The following NLRP9 variants were observed in gnomAD, a reference collection of about 807,000 sequenced individuals.
The protein encoded by NLRP9 is NLR family pyrin domain containing 9, also known as NACHT, LRR and PYD domains-containing protein 9.
In NLRP9, 88 loss-of-function variants were observed where a neutral mutation model predicts 83.1. That is an observed-to-expected ratio of 1.06 (90% CI 0.89 to 1.26). The LOEUF (loss-of-function observed/expected upper bound fraction) is 1.26, where lower values mean the gene tolerates loss of function less well. Among genes scored for constraint, NLRP9 ranks in the 50% most tolerant of loss-of-function variants. The pLI is 0.00. For synonymous variants in NLRP9, 521 were observed against 447.6 expected, an observed-to-expected ratio of 1.16 and a Z score of -2.07; for missense variants, 1,308 against 1,179.3, an observed-to-expected ratio of 1.11 and a Z score of -1.60.
rs1398629240 is a variant in NLRP9, at chr19:55,723,964, A to G, written c.2159+16T>C. 1 of 1,598,756 alleles carries G rather than the reference A, an allele frequency of 6.3e-7. No homozygotes were observed. The highest frequency in any genetic ancestry group is 1.3e-5 in the African/African-American group (1 of 74,118). On this transcript the variant is annotated intron_variant, in intron 4 of 8. Coordinates refer to ENST00000332836, the MANE Select transcript of NLRP9 (RefSeq NM_176820.4). Reference sequence around the variant, plus strand: ...TTGGAAAGAAACAGCACTCGGCATGAACAGCCCGGACTTACATCAGCTCTT... The same window carrying G: ...TTGGAAAGAAACAGCACTCGGCATGGACAGCCCGGACTTACATCAGCTCTT...
At chr19:55,717,932 G>C (rs1988083155) in intron 4 of NLRP9, among the ~76,000 whole-genome samples, 1 of 152,222 alleles carries the variant, frequency 6.6e-6, no homozygotes, top group Non-Finnish European at 1.5e-5. Context: ...TGAGAGATCA[G>C]ATTGTTACTG....
chr19:55,724,134 CAG>C lies in NLRP9; in HGVS notation c.2003_2004del (p.Ser668CysfsTer6), dbSNP rs1568599557. 1 of 1,605,476 alleles carries C rather than the reference CAG, an allele frequency of 6.2e-7. No individual in the cohort carries two copies. Among genetic ancestry groups the C allele is most frequent in the Non-Finnish European group, 8.5e-7 (1 of 1,175,816 alleles). ...VCKLRKLIFTSVYFGHDSELF... is the reference protein window; with the variant it reads ...VCKLRKLIFTXVYFGHDSELF... ...AATTCTGAATCATGTCCAAAGTACA[CAG>C]AAGTAAATCTGCAAAAGATTAAAAA... On this transcript the variant is annotated frameshift_variant, in exon 4 of 9. Coordinates refer to ENST00000332836, the MANE Select transcript of NLRP9 (RefSeq NM_176820.4). LOFTEE classifies it high-confidence loss of function.
chr19:55,722,449 T>G (rs569118680), intron 4 of NLRP9, among the ~76,000 whole-genome samples: 6 of 152,216 alleles, frequency 3.9e-5, no homozygotes, highest in Non-Finnish European at 7.3e-5. Context: ...ACAACCCTTA[T>G]GCATAGAACC....
In NLRP9 at chr19:55,711,834, A is replaced by G. The variant is rs149437621; in HGVS notation, c.2809T>C (p.Leu937=). ...ADAVVVLCEA[L]SHPDCALQML... ...TGCAGGGCACAGTCCGGGTGGCTCA[A>G]TGCCTCACACAGCACCACCACTGCA... is the stretch of plus-strand genomic sequence containing the variant. The change falls in exon 8 of 9, where the codon TTG becomes CTG. Residue 937 remains leucine, a synonymous_variant. Transcript: ENST00000332836. 207 of 1,613,290 alleles carry G rather than the reference A, an allele frequency of 1.3e-4. No homozygotes were observed. The African/African-American group carries it at 1.9e-3, about 15-fold the overall frequency.
chr19:55,722,064 G>A (rs1338785271), intron 4 of NLRP9, among the ~76,000 whole-genome samples: 1 of 150,820 alleles, frequency 6.6e-6, no homozygotes, highest in Non-Finnish European at 1.5e-5. Context: ...CATTGAAAAT[G>A]TCTCTAAACA....
chr19:55,733,337 A>G lies in NLRP9; in HGVS notation c.494T>C (p.Val165Ala). ...GTTTCCCTCTGCCCAGTCCAACATC[A>G]CTTTTCTTAAAAGGGTTGTTTTTCC... ...GIGKTTLLRK[V>A]MLDWAEGNLW... Residue 165 changes from valine (V) to alanine (A), a missense_variant, in exon 2 of 9, where the codon GTG becomes GCG. Physicochemically the swap from Val to Ala is moderately conservative, Grantham distance 64. Coordinates refer to ENST00000332836, the MANE Select transcript of NLRP9 (RefSeq NM_176820.4). The G allele has an allele frequency of 6.2e-7, 1 of 1,613,872 alleles. No individual in the cohort carries two copies. The highest frequency in any genetic ancestry group is 8.5e-7 in the Non-Finnish European group (1 of 1,179,888).
intron 2 of NLRP9, among the ~76,000 whole-genome samples, chr19:55,731,461 T>C (rs1336703643): frequency 1.3e-5 from 2 of 151,952 alleles, no homozygotes; most frequent in Non-Finnish European, 2.9e-5. Context: ...CGGTGGCTTA[T>C]GCTTGTAATC....
rs1987782156 is a variant in NLRP9 at position 55,712,591 on chromosome 19, C to G, written c.2502-1G>C. 6.2e-7 allele frequency: 1 copy of G among 1,611,848 alleles called. No homozygotes were observed. Among genetic ancestry groups the G allele is most frequent in the Non-Finnish European group, 8.5e-7 (1 of 1,179,684 alleles). ...GGAAGTAAGGAAACAGCCCATCAAC[C>G]TGGGGAGGTGGAAGACACACAAATA... On this transcript the variant is annotated splice_acceptor_variant, in intron 6 of 8. Coordinates refer to ENST00000332836, the MANE Select transcript of NLRP9 (RefSeq NM_176820.4). LOFTEE classifies it high-confidence loss of function.
chr19:55,712,102 A>G, intron 7 of NLRP9, 132 bp from the exon 8 acceptor site: 2 of 889,926 alleles, frequency 2.2e-6, no homozygotes, highest in Middle Eastern at 2.4e-4. Flanking sequence ...CTCAGCCAGG[A>G]CGATTGTGCT....
Position 55,732,460 on chromosome 19 carries a change from A to G in NLRP9, c.1371T>C (p.Tyr457=). The G allele has an allele frequency of 6.2e-7, 1 of 1,614,246 alleles. No homozygotes were observed. Among genetic ancestry groups the G allele is most frequent in the Non-Finnish European group, 8.5e-7 (1 of 1,180,044 alleles). Residue 457 remains tyrosine, a synonymous_variant, in exon 2 of 9, where the codon TAT becomes TAC. Coordinates refer to ENST00000332836, the MANE Select transcript of NLRP9 (RefSeq NM_176820.4). The part of the protein sequence containing the change: ...CIQEFCAAMF[Y]LLKRPKDDPN... ...GATCGTCTTTGGGTCGTTTGAGCAA[A>G]TAAAACATGGCGGCACAAAACTCTT...
chr19:55,733,504 G>A lies in NLRP9; in HGVS notation c.327C>T (p.Leu109=). ...GAAGACAGGTTTCCTTCTCCCATAT[G>A]AGTTGAAATGTTTCCTTCATATGCT... ...YRKHMKETFQ[L]IWEKETCLHV... The change falls in exon 2 of 9, where the codon CTC becomes CTT. Residue 109 remains leucine (L), a synonymous_variant. Transcript: ENST00000332836. 1.2e-6 allele frequency: 2 copies of A among 1,609,070 alleles called. No homozygotes were observed. The highest frequency in any genetic ancestry group is 1.7e-5 in the Admixed American group (1 of 59,202).
intron 8 of NLRP9, 194 bp downstream of exon 8, chr19:55,711,606 G>A (rs1987728718): frequency 1.1e-6 from 1 of 875,230 alleles, no homozygotes; most frequent in South Asian, 1.5e-5. Context: ...TCATGAGAAA[G>A]GCCGAGAATG....
rs769320211 is a variant in NLRP9 at position 55,715,165 on chromosome 19, G to A, written c.2391C>T (p.Cys797=). The change falls in exon 6 of 9, where the codon TGC becomes TGT. Residue 797 remains cysteine (C), a synonymous_variant. Transcript: ENST00000332836. ...SCDSISEVLL[C]SKSLSLLDLG... ...GATCGAGGAGGGACAGGGACTTACT[G>A]CACAAGAGGACTTCGGAAATGGAGT... 6.2e-7 allele frequency: 1 copy of A among 1,613,298 alleles called. No individual in the cohort carries two copies. Among genetic ancestry groups the A allele is most frequent in the South Asian group, 1.1e-5 (1 of 91,070 alleles).
chr19:55,729,954 G>A lies in NLRP9; in HGVS notation c.1871C>T (p.Ser624Leu), dbSNP rs764727195. ...GAAGTTCTTGTTGGTAATGAACATT[G>A]AGCAAAGCTCCCGCCAGTAGACGAG... ...EKLVYWRELC[S>L]MFITNKNFQI... Residue 624 changes from serine (S) to leucine (L), a missense_variant, in exon 3 of 9, where the codon TCA becomes TTA. By Grantham distance (145) the Ser-to-Leu change is moderately radical (BLOSUM62 -2). Coordinates refer to ENST00000332836, the MANE Select transcript of NLRP9 (RefSeq NM_176820.4). The A allele has an allele frequency of 3.7e-6, 6 of 1,612,892 alleles. No individual in the cohort carries two copies. The highest frequency in any genetic ancestry group is 1.3e-5 in the African/African-American group (1 of 74,888).
chr19:55,716,810 C>G lies in NLRP9; in HGVS notation c.2248G>C (p.Val750Leu). 1.2e-6 allele frequency: 2 copies of G among 1,613,898 alleles called. No individual in the cohort carries two copies. Among genetic ancestry groups the G allele is most frequent in the South Asian group, 2.2e-5 (2 of 91,082 alleles). ...CNSKLKHLSLVENPLRDEGMT... is the reference protein window; with the variant it reads ...CNSKLKHLSLLENPLRDEGMT... ...CCTTCGTCCCTCAAGGGATTTTCTACCAAGGAGAGGTGTTTCAGCTTGCTG... is the reference window on the plus strand; with the variant it reads ...CCTTCGTCCCTCAAGGGATTTTCTAGCAAGGAGAGGTGTTTCAGCTTGCTG... The change falls in exon 5 of 9, where the codon GTA becomes CTA. Residue 750 changes from valine to leucine, a missense_variant. Coordinates refer to ENST00000332836, the MANE Select transcript of NLRP9 (RefSeq NM_176820.4).
intron 2 of NLRP9, among the ~76,000 whole-genome samples, chr19:55,731,739 A>G (rs1988576310): frequency 6.6e-6 from 1 of 151,948 alleles, no homozygotes; most frequent in African/African-American, 2.4e-5. Context: ...AAAAAAAAAA[A>G]AAGTCCTGCT....
At position 55,735,328 on chromosome 19, in the gene NLRP9, G is replaced by A. The variant is rs150628622; in HGVS notation, c.281-1778C>T. On this transcript the variant is annotated intron_variant, in intron 1 of 8. Transcript: ENST00000332836. ...CATGCTAGGCACGGTGGCTCACGCC[G>A]GTAATCCCAGCGCTTTGGGAGTGCT... is the stretch of plus-strand genomic sequence containing the variant. Among the ~76,000 whole-genome samples the A allele has an allele frequency of 1.5e-3, 220 of 144,706 alleles. 3 individuals are homozygous for A. In the East Asian group the frequency reaches 0.04, roughly 26 times the overall value. 94.9% of individuals were successfully genotyped at this position (144,706 alleles called of 152,430 possible).
chr19:55,722,259 A>T (rs901649355), intron 4 of NLRP9, among the ~76,000 whole-genome samples: 12 of 152,338 alleles, frequency 7.9e-5, no homozygotes, highest in Admixed American at 4.6e-4. Context: ...TCCTTATGTT[A>T]ATGTATAATA....
In NLRP9 at chr19:55,709,432, T is replaced by C. The variant is rs565491563; in HGVS notation, c.2844-388A>G. The C allele has an allele frequency of 9.1e-5, 14 of 153,716 alleles. No homozygotes were observed. The East Asian group carries it at 2.3e-3, about 25-fold the overall frequency. The allele number at this position is 153,716 out of a possible 1,614,324, so 9.5% of individuals were successfully genotyped here. A position where few individuals can be genotyped will look rare whatever the true frequency, so the allele number is the denominator to read the frequency against. ...CAGAGACACTAATATAATGAATTCA[T>C]GTACCCATCACCAACTTCTACAATT... On this transcript the variant is annotated intron_variant, in intron 8 of 8. Coordinates refer to ENST00000332836, the MANE Select transcript of NLRP9 (RefSeq NM_176820.4).
Sources: allele counts gnomAD v4.1 joint callset (sites outside exome capture counted in the v4.1 genomes callset), GRCh38; gene constraint gnomAD v4.1.1; transcripts MANE v1.5; gene names NCBI Gene and HGNC (gene_info 2026-07-23, HGNC 2026-07-21).